The following CEACAM4 variants were observed in gnomAD, a reference collection of about 807,000 sequenced individuals.
CEACAM4 encodes cell adhesion molecule CEACAM4.
Under a neutral mutation model 28.7 loss-of-function variants are expected in CEACAM4, and 30 were observed. The ratio of observed to expected loss-of-function variants is 1.05; its 90% confidence interval spans 0.78 to 1.42. The LOEUF is 1.42. CEACAM4 is among the 40% of genes most tolerant of loss of function. CEACAM4 has a pLI of 0.00. For missense variants in CEACAM4, 330 were observed against 308.2 expected, an observed-to-expected ratio of 1.07 and a Z score of -0.53; for synonymous variants, 143 against 126.5, an observed-to-expected ratio of 1.13 and a Z score of -0.87.
At chr19:41,619,555 C>T (rs782470770) in intron 6 of CEACAM4, 115 bp downstream of exon 6, 1 of 1,546,550 alleles carries the variant, frequency 6.5e-7, no homozygotes, top group South Asian at 1.2e-5. Flanking sequence ...CTCACCACCA[C>T]CTGTTCTCAT....
rs142653221 is a variant in CEACAM4, at chr19:41,625,932, G to T, written c.93C>A (p.Pro31=). ...CTTCAATAGTGAACTGGACAGTGGT[G>T]GGCGGGTGCCAGAAGGTTAAAAGTG... The part of the protein sequence containing the change: ...TASLLTFWHP[P]TTVQFTIEAL... Residue 31 remains proline, a synonymous_variant, in exon 2 of 7, where the codon CCC becomes CCA. Transcript: ENST00000221954. The T allele has an allele frequency of 6.2e-7, 1 of 1,612,896 alleles. No individual in the cohort carries two copies. Among genetic ancestry groups the T allele is most frequent in the African/African-American group, 1.3e-5 (1 of 74,942 alleles).
chr19:41,614,595 C>A (rs1555798602), downstream of CEACAM4, among the ~76,000 whole-genome samples: 1 of 152,188 alleles, frequency 6.6e-6, no homozygotes, highest in East Asian at 1.9e-4. Context: ...CGTCCATCCT[C>A]CACCTTGTCC....
chr19:41,618,346 G>C (rs2071043212), downstream of CEACAM4, among the ~76,000 whole-genome samples: 2 of 152,174 alleles, frequency 1.3e-5, no homozygotes, highest in Non-Finnish European at 2.9e-5. Flanking sequence ...AGTGGGAACT[G>C]ATGAGCAATG....
chr19:41,620,642 G>T lies in CEACAM4; in HGVS notation c.543-15C>A. On this transcript the variant is annotated splice_polypyrimidine_tract_variant and intron_variant, in intron 3 of 6. Transcript: ENST00000221954. ...GGATGCTGGCCCTAGGAAAGGTCAGGATTATTCATGAGGGTGCAGGGAGAA... is the reference window on the plus strand; with the variant it reads ...GGATGCTGGCCCTAGGAAAGGTCAGTATTATTCATGAGGGTGCAGGGAGAA... 1 of 1,610,714 alleles carries T rather than the reference G, an allele frequency of 6.2e-7. No individual in the cohort carries two copies. The highest frequency in any genetic ancestry group is 8.5e-7 in the Non-Finnish European group (1 of 1,177,414).
Position 41,626,928 on chromosome 19 carries a change from G to C in CEACAM4, c.36C>G (p.His12Gln), listed in dbSNP as rs782796423. 7 of 1,607,944 alleles carry C rather than the reference G, an allele frequency of 4.4e-6. No individual in the cohort carries two copies. In the African/African-American group the frequency reaches 9.4e-5, roughly 22 times the overall value. The change falls in exon 1 of 7, where the codon CAC (histidine) becomes CAG (glutamine). Residue 12 changes from histidine (H) to glutamine (Q), a missense_variant. Physicochemically the swap from His to Gln is conservative, Grantham distance 24. Transcript: ENST00000221954. Reference protein sequence around the residue: ...GPPSAAPRGGHRPWQGLLITA... With the variant: ...GPPSAAPRGGQRPWQGLLITA... Reference sequence around the variant, plus strand: ...TGATCAGGAGCCCCTGCCAGGGCCTGTGCCCTCCACGGGGAGCGGCTGAGG... The same window carrying C: ...TGATCAGGAGCCCCTGCCAGGGCCTCTGCCCTCCACGGGGAGCGGCTGAGG...
chr19:41,613,912 G>T, the CEACAM4 span, among the ~76,000 whole-genome samples: 1 of 152,196 alleles, frequency 6.6e-6, no homozygotes, highest in Middle Eastern at 3.2e-3. Flanking sequence ...CATCCAAAAC[G>T]GATGCCAAGG....
chr19:41,625,604 G>T lies in CEACAM4; in HGVS notation c.421C>A (p.His141Asn). The T allele has an allele frequency of 6.4e-7, 1 of 1,568,890 alleles. No individual in the cohort carries two copies. The highest frequency in any genetic ancestry group is 1.8e-5 in the Admixed American group (1 of 56,338). ...GAGGTATGGGGGAATCACTCACGGT[G>T]TACGTGGAGCTGGCCAGTTGCTTGG... ...SDQATGQLHV[H>N]QNNVPGLPVG... The change falls in exon 2 of 7, where the codon CAC (histidine) becomes AAC (asparagine). Residue 141 changes from histidine (H) to asparagine (N), a missense_variant. Transcript: ENST00000221954.
chr19:41,621,588 C>T, intron 3 of CEACAM4, 63 bp downstream of exon 3: 1 of 871,078 alleles, frequency 1.1e-6, no homozygotes, highest in Non-Finnish European at 1.9e-6. Context: ...AGGGCGGGGT[C>T]TCCCTCCTCC....
rs2071092240 is a variant in CEACAM4 at position 41,619,136 on chromosome 19, AC to A, written c.*193del. On this transcript the variant is annotated 3_prime_UTR_variant, in exon 7 of 7. Transcript: ENST00000221954. ...TGATGAGAGGCCTTTGTCCCGGCCC[AC>A]CCAGAGCCCAGGGCAACCTGTCAGG... 1 of 588,968 alleles carries A rather than the reference AC, an allele frequency of 1.7e-6. No individual in the cohort carries two copies. The highest frequency in any genetic ancestry group is 3.0e-5 in the Admixed American group (1 of 33,134). The allele number at this position is 588,968 out of a possible 1,614,324, so 36.5% of individuals were successfully genotyped here.
chr19:41,620,319 T>G, intron 4 of CEACAM4, 77 bp from the exon 5 acceptor site: 1 of 1,281,990 alleles, frequency 7.8e-7, no homozygotes, highest in Non-Finnish European at 1.0e-6. Flanking sequence ...GTAGGGGTCC[T>G]CAGCTCCCAG....
intron 2 of CEACAM4, among the ~76,000 whole-genome samples, chr19:41,622,853 T>TGTAGATAG (rs1352541427): frequency 7.6e-6 from 1 of 132,244 alleles, no homozygotes; most frequent in Non-Finnish European, 1.6e-5. Flanking sequence ...TATACATATA[T>TGTAGATAG]ATAGATAGAT....
chr19:41,625,645 G>A lies in CEACAM4; in HGVS notation c.380C>T (p.Ala127Val), dbSNP rs376758413. The A allele has an allele frequency of 5.6e-6, 9 of 1,600,364 alleles. No individual in the cohort carries two copies. Among genetic ancestry groups the A allele is most frequent in the Non-Finnish European group, 7.7e-6 (9 of 1,172,036 alleles). Reference sequence around the variant, plus strand: ...AGTTGCTTGGTCAGAGTCGTAACTGGCATTTATGGTTCGTAGGGTGTAGGA... The same window carrying A: ...AGTTGCTTGGTCAGAGTCGTAACTGACATTTATGGTTCGTAGGGTGTAGGA... ...AGSYTLRTIN[A>V]SYDSDQATGQ... The change falls in exon 2 of 7, where the codon GCC (alanine) becomes GTC (valine). Residue 127 changes from alanine (A) to valine (V), a missense_variant. Transcript: ENST00000221954.
chr19:41,625,495 G>A (rs1168936374), intron 2 of CEACAM4, 106 bp downstream of exon 2: 32 of 1,359,626 alleles, frequency 2.4e-5, no homozygotes, highest in South Asian at 1.3e-4. Flanking sequence ...ATCTCAACAC[G>A]GGACAAAATG....
At chr19:41,623,542 G>C (rs567523019) in intron 2 of CEACAM4, among the ~76,000 whole-genome samples, 3 of 151,684 alleles carry the variant, frequency 2.0e-5, no homozygotes, top group South Asian at 2.1e-4. Flanking sequence ...GGTGGTGAGT[G>C]GGGGGAGGGA....
chr19:41,621,646 G>T lies in CEACAM4; in HGVS notation c.542+5C>A. On this transcript the variant is annotated splice_donor_5th_base_variant and intron_variant, in intron 3 of 6. Coordinates refer to ENST00000221954, the MANE Select transcript of CEACAM4 (RefSeq NM_001817.4). ...TGGGAGGAGGCTGGGGAAAAGCTGC[G>T]GTACCTTCCAGTCCTGGAGAGAAGC... is the stretch of plus-strand genomic sequence containing the variant. 1 of 1,544,754 alleles carries T rather than the reference G, an allele frequency of 6.5e-7. No homozygotes were observed. The highest frequency in any genetic ancestry group is 8.9e-7 in the Non-Finnish European group (1 of 1,118,116).
chr19:41,621,369 TCTCC>T (rs1173233796), intron 3 of CEACAM4, among the ~76,000 whole-genome samples: 2 of 151,876 alleles, frequency 1.3e-5, no homozygotes, highest in East Asian at 1.9e-4. Context: ...TCCCGTCTTA[TCTCC>T]CTCCCTCCCT....
chr19:41,622,249 TA>T (rs1372561180), intron 2 of CEACAM4, among the ~76,000 whole-genome samples: 1 of 152,116 alleles, frequency 6.6e-6, no homozygotes, highest in African/African-American at 2.4e-5. Flanking sequence ...GGCTAATTTT[TA>T]TATTTTTAGT....
chr19:41,625,418 T>C, intron 2 of CEACAM4, 183 bp downstream of exon 2: 1 of 757,664 alleles, frequency 1.3e-6, no homozygotes. Context: ...AGGGCCTGGA[T>C]GCAGGAAAGG....
chr19:41,620,816 G>T (rs1315160260), intron 3 of CEACAM4, among the ~76,000 whole-genome samples, 189 bp from the exon 4 acceptor site: 1 of 151,994 alleles, frequency 6.6e-6, no homozygotes, highest in Non-Finnish European at 1.5e-5. Context: ...CGTCTGTCCT[G>T]GCCAGAGAGG....
Sources: gnomAD v4.1 joint callset for allele counts (sites outside exome capture counted in the v4.1 genomes callset) on GRCh38, gnomAD v4.1.1 for gene constraint, MANE v1.5 for transcripts, NCBI Gene and HGNC (gene_info 2026-07-23, HGNC 2026-07-21) for gene names.